Variants in EYA4 observed in about 807,000 individuals in gnomAD.
EYA4 encodes the protein protein phosphatase EYA4.
A neutral mutation model predicts 87.9 loss-of-function variants in EYA4; 31 were observed. That is an observed-to-expected ratio of 0.35 (90% CI 0.27 to 0.48). EYA4 has a LOEUF of 0.48. Ranked by LOEUF, EYA4 falls within the 20% of genes least tolerant of loss-of-function variation. EYA4 has a pLI of 0.99. For missense variants in EYA4, 678 were observed against 761.4 expected, an observed-to-expected ratio of 0.89 and a Z score of 1.29; for synonymous variants, 263 against 270.6, an observed-to-expected ratio of 0.97 and a Z score of 0.28.
Position 133,274,759 on chromosome 6 carries a change from G to A in EYA4, c.-22G>A. 1.9e-6 allele frequency: 3 copies of A among 1,609,334 alleles called. No homozygotes were observed. In the South Asian group the frequency reaches 3.3e-5, roughly 18 times the overall value. On this transcript the variant is annotated 5_prime_UTR_variant, in exon 2 of 20. Coordinates refer to ENST00000355286, the MANE Select transcript of EYA4 (RefSeq NM_004100.5). ...AGGAAGCTGCTTCTACTTGGGAGTG[G>A]CAGGAGAAGTGAGAAAACCACATGG...
intron 14 of EYA4, among the ~76,000 whole-genome samples, chr6:133,512,320 A>T (rs1376814152): frequency 6.6e-6 from 1 of 152,122 alleles, no homozygotes; most frequent in Admixed American, 6.5e-5. Flanking sequence ...AATAGTAACC[A>T]TCTGAGGTGT....
chr6:133,400,137 A>G (rs949122856), intron 3 of EYA4, among the ~76,000 whole-genome samples: 2 of 152,220 alleles, frequency 1.3e-5, no homozygotes, highest in Non-Finnish European at 2.9e-5. Flanking sequence ...GTTTCATGAT[A>G]AAATGAAATA....
At chr6:133,490,253 A>G (rs1797026604) in intron 13 of EYA4, among the ~76,000 whole-genome samples, 2 of 152,172 alleles carry the variant, frequency 1.3e-5, no homozygotes, top group Non-Finnish European at 2.9e-5. Flanking sequence ...AGAAGAAGGA[A>G]GAGGAAACCA....
rs545887592 is a variant in EYA4, at chr6:133,364,412, CT to C, written c.34-17978del. Among the ~76,000 whole-genome samples, 7 of 152,268 alleles carry C rather than the reference CT, an allele frequency of 4.6e-5. No individual in the cohort carries two copies. The South Asian group carries it at 1.5e-3, about 32-fold the overall frequency. On this transcript the variant is annotated intron_variant, in intron 2 of 19. Transcript: ENST00000355286. ...CCAGATTGCCACCACTGCTGCCTCGCTTCATCAGGGTGTTGGACATGCGACA... is the reference window on the plus strand; with the variant it reads ...CCAGATTGCCACCACTGCTGCCTCGCTCATCAGGGTGTTGGACATGCGACA...
intron 5 of EYA4, among the ~76,000 whole-genome samples, chr6:133,448,764 C>T (rs886980940): frequency 3.3e-5 from 5 of 152,192 alleles, no homozygotes; most frequent in Admixed American, 3.3e-4. Flanking sequence ...ATATTAACTG[C>T]ATTCATACCT....
At chr6:133,493,789 A>G (rs1202740346) in intron 13 of EYA4, among the ~76,000 whole-genome samples, 4 of 152,246 alleles carry the variant, frequency 2.6e-5, no homozygotes, top group Admixed American at 2.6e-4. Context: ...AAATTTGAAT[A>G]GATATTTCTC....
At chr6:133,446,982 T>C (rs977966949) in intron 4 of EYA4, among the ~76,000 whole-genome samples, 1 of 152,222 alleles carries the variant, frequency 6.6e-6, no homozygotes, top group African/African-American at 2.4e-5. Context: ...TTGAGCAACA[T>C]TTCAAGGGCC....
chr6:133,254,305 T>C (rs181469102), intron 1 of EYA4, among the ~76,000 whole-genome samples: 70 of 152,294 alleles, frequency 4.6e-4, no homozygotes, highest in Admixed American at 8.5e-4. Context: ...CTCAGAATTA[T>C]AGATTTCATT....
chr6:133,296,407 TG>T (rs1778948150), intron 2 of EYA4, among the ~76,000 whole-genome samples: 1 of 152,094 alleles, frequency 6.6e-6, no homozygotes, highest in African/African-American at 2.4e-5. Flanking sequence ...TGTAGGACAA[TG>T]GGGAAGGATC....
intron 2 of EYA4, among the ~76,000 whole-genome samples, chr6:133,284,240 G>A (rs947948321): frequency 2.6e-5 from 4 of 152,086 alleles, no homozygotes; most frequent in African/African-American, 9.7e-5. Flanking sequence ...ACATATCTCG[G>A]CTCACTGCAA....
intron 1 of EYA4, among the ~76,000 whole-genome samples, chr6:133,274,097 A>G (rs1776966540): frequency 6.6e-6 from 1 of 152,126 alleles, no homozygotes; most frequent in Admixed American, 6.6e-5. Context: ...AATGTATGGT[A>G]TGGAGTAAAG....
At chr6:133,439,436 C>CT (rs1020439692) in intron 3 of EYA4, 61 of 152,250 alleles carry the variant, frequency 4.0e-4, no homozygotes, top group African/African-American at 1.3e-3. Context: ...TGAGAAACTA[C>CT]TTTTTCAGGC....
intron 2 of EYA4, among the ~76,000 whole-genome samples, chr6:133,369,073 AT>A (rs1396814633): frequency 6.6e-6 from 1 of 152,230 alleles, no homozygotes; most frequent in African/African-American, 2.4e-5. Flanking sequence ...GAGACAGGAA[AT>A]GCTACACTGA....
intron 2 of EYA4, among the ~76,000 whole-genome samples, chr6:133,370,128 A>G (rs1386219059): frequency 1.3e-5 from 2 of 152,194 alleles, no homozygotes; most frequent in African/African-American, 4.8e-5. Context: ...TAGAGACTAT[A>G]AACCTCTCAG....
intron 2 of EYA4, among the ~76,000 whole-genome samples, chr6:133,342,844 G>T (rs994744906): frequency 6.6e-6 from 1 of 151,744 alleles, no homozygotes; most frequent in Non-Finnish European, 1.5e-5. Flanking sequence ...ATATTTTGAT[G>T]CAATATTTTA....
intron 13 of EYA4, among the ~76,000 whole-genome samples, chr6:133,493,468 A>G (rs530992233): frequency 2.6e-5 from 4 of 152,272 alleles, no homozygotes; most frequent in South Asian, 4.1e-4. Flanking sequence ...AGACTTAAAT[A>G]TAAGATCTCA....
chr6:133,328,524 G>C (rs555116132), intron 2 of EYA4, among the ~76,000 whole-genome samples: 1 of 152,058 alleles, frequency 6.6e-6, no homozygotes, highest in South Asian at 2.1e-4. Context: ...AAAAATACTT[G>C]GTTTAAATAA....
intron 1 of EYA4, among the ~76,000 whole-genome samples, chr6:133,263,052 G>A (rs1050367411): frequency 6.6e-6 from 1 of 152,128 alleles, no homozygotes; most frequent in East Asian, 1.9e-4. Context: ...CATGCTTCCC[G>A]GGTGGTTGGA....
intron 2 of EYA4, among the ~76,000 whole-genome samples, chr6:133,301,957 A>T (rs879802773): frequency 6.6e-6 from 1 of 152,206 alleles, no homozygotes; most frequent in Non-Finnish European, 1.5e-5. Flanking sequence ...GGACGAAGAG[A>T]GAGGAAGTAT....
Sources: gnomAD v4.1 joint callset for allele counts (sites outside exome capture counted in the v4.1 genomes callset) on GRCh38, gnomAD v4.1.1 for gene constraint, MANE v1.5 for transcripts, NCBI Gene and HGNC (gene_info 2026-07-23, HGNC 2026-07-21) for gene names.